The following ZNF34 variants were observed in gnomAD, a reference collection of about 807,000 sequenced individuals.
The protein encoded by ZNF34 is zinc finger protein 34 (KOX 32).
ZNF34 carries 8 observed loss-of-function variants against 14.4 expected under a neutral mutation model. That is an observed-to-expected ratio of 0.55 (90% confidence interval 0.33 to 1.00). The LOEUF is 1.00. ZNF34 is among the 50% of genes least tolerant of loss of function. ZNF34 has a pLI of 0.03. For synonymous variants in ZNF34, 235 were observed against 247.9 expected, an observed-to-expected ratio of 0.95 and a Z score of 0.49; for missense variants, 538 against 674.2, an observed-to-expected ratio of 0.80 and a Z score of 2.24.
At chr8:144,786,818 G>A (rs964342080) in intron 1 of ZNF34, among the ~76,000 whole-genome samples, 4 of 151,982 alleles carry the variant, frequency 2.6e-5, no homozygotes, top group African/African-American at 9.7e-5. Context: ...GAGCGCGGAC[G>A]CTAAAGGCAG....
intron 1 of ZNF34, chr8:144,785,341 G>A (rs1001692038): frequency 6.6e-6 from 1 of 152,210 alleles, no homozygotes; most frequent in Non-Finnish European, 1.5e-5. Context: ...GGCTGAGGCA[G>A]GAGGATCACT....
intron 1 of ZNF34, among the ~76,000 whole-genome samples, chr8:144,786,775 G>A (rs189504233): frequency 6.6e-6 from 1 of 152,032 alleles, no homozygotes; most frequent in Non-Finnish European, 1.5e-5. Context: ...GTGGGGCGGA[G>A]GGAAGGCACA....
intron 1 of ZNF34, among the ~76,000 whole-genome samples, chr8:144,786,673 A>G (rs1317453020): frequency 6.6e-6 from 1 of 151,834 alleles, no homozygotes; most frequent in African/African-American, 2.4e-5. Context: ...AAGAGAAGAG[A>G]AAAGAAAAGA....
chr8:144,772,334 T>C lies in ZNF34; in HGVS notation c.*932A>G, dbSNP rs1825230218. On this transcript the variant is annotated 3_prime_UTR_variant, in exon 6 of 6. Coordinates refer to ENST00000429371, the MANE Select transcript of ZNF34 (RefSeq NM_001286769.2). Reference sequence around the variant, plus strand: ...AGAAGGGGGAAATGAAGAGTTATTATTTAATAGGTACAGGGTTTCTGTTTG... The same window carrying C: ...AGAAGGGGGAAATGAAGAGTTATTACTTAATAGGTACAGGGTTTCTGTTTG... 6.6e-6 allele frequency among the ~76,000 whole-genome samples: 1 copy of C among 152,212 alleles called. No individual in the cohort carries two copies. The highest frequency in any genetic ancestry group is 1.5e-5 in the Non-Finnish European group (1 of 68,042).
chr8:144,777,368 C>T lies in ZNF34; in HGVS notation c.280+90G>A. The T allele has an allele frequency of 6.8e-7, 1 of 1,477,774 alleles. No individual in the cohort carries two copies. The allele number at this position is 1,477,774 out of a possible 1,614,324, so 91.5% of individuals were successfully genotyped here. A position where few individuals can be genotyped will look rare whatever the true frequency, so the allele number is the denominator to read the frequency against. On this transcript the variant is annotated intron_variant, in intron 5 of 5. Transcript: ENST00000429371. The surrounding 1 kb of genome is among the most constrained non-coding windows in gnomAD (Gnocchi z 4.8). Reference sequence around the variant, plus strand: ...TGTGCTAGCCCCGATGAATCTGGCCCACAAACTCCTGATTCATTAATCAGA... The same window carrying T: ...TGTGCTAGCCCCGATGAATCTGGCCTACAAACTCCTGATTCATTAATCAGA...
In ZNF34 at chr8:144,779,438, A is replaced by G. The variant is rs1825732368; in HGVS notation, c.-55+790T>C. On this transcript the variant is annotated intron_variant, in intron 2 of 5. Transcript: ENST00000429371. This position sits in a 1 kb window ranked among gnomAD's most constrained non-coding sequence, Gnocchi z 4.1. Reference sequence around the variant, plus strand: ...CTTCTTTGTTCGATCATCAATAAATAGTGTGGGCTCCCAGAGCTTGGTGCC... The same window carrying G: ...CTTCTTTGTTCGATCATCAATAAATGGTGTGGGCTCCCAGAGCTTGGTGCC... Among the ~76,000 whole-genome samples, 1 of 152,130 alleles carries G rather than the reference A, an allele frequency of 6.6e-6. No homozygotes were observed. Among genetic ancestry groups the G allele is most frequent in the Non-Finnish European group, 1.5e-5 (1 of 68,034 alleles).
chr8:144,772,785 C>T lies in ZNF34; in HGVS notation c.*481G>A, dbSNP rs1825248026. Among the ~76,000 whole-genome samples the T allele has an allele frequency of 6.6e-6, 1 of 152,144 alleles. No individual in the cohort carries two copies. Among genetic ancestry groups the T allele is most frequent in the South Asian group, 2.1e-4 (1 of 4,830 alleles). On this transcript the variant is annotated 3_prime_UTR_variant, in exon 6 of 6. Coordinates refer to ENST00000429371, the MANE Select transcript of ZNF34 (RefSeq NM_001286769.2). ...AAACTCCTGACCTCAAGTGATCCACCCACCTTGGCCTCTCAAAATGCTGGT... is the reference window on the plus strand; with the variant it reads ...AAACTCCTGACCTCAAGTGATCCACTCACCTTGGCCTCTCAAAATGCTGGT...
Position 144,778,164 on chromosome 8 carries a change from C to T in ZNF34, c.34G>A (p.Ala12Thr). ...AALFLSAPPQ[A>T]EVTFEDVAVY... Reference sequence around the variant, plus strand: ...GCCACGTCCTCGAAGGTCACCTCGGCCTGGAATGACAGGGACTACTGCAGC... The same window carrying T: ...GCCACGTCCTCGAAGGTCACCTCGGTCTGGAATGACAGGGACTACTGCAGC... The change falls in exon 4 of 6, where the codon GCC becomes ACC. Residue 12 changes from alanine to threonine, a missense_variant and splice_region_variant. By Grantham distance (58) the Ala-to-Thr change is moderately conservative. This residue lies in a region of ZNF34 where 431 missense variants were observed against 525.7 expected (regional missense o/e 0.82). Transcript: ENST00000429371. 6.2e-7 allele frequency: 1 copy of T among 1,611,020 alleles called. No individual in the cohort carries two copies. The highest frequency in any genetic ancestry group is 8.5e-7 in the Non-Finnish European group (1 of 1,178,342).
intron 1 of ZNF34, among the ~76,000 whole-genome samples, chr8:144,785,773 G>A (rs2979090): frequency 0.55 from 83,115 of 151,782 alleles, 23,431 homozygotes; most frequent in East Asian, 0.73. Context: ...AACCCCACTC[G>A]AAGTATGTAC....
At position 144,773,805 on chromosome 8, in the gene ZNF34, G is replaced by T. The variant is rs750323793; in HGVS notation, c.1081C>A (p.Arg361Ser). 1.9e-6 allele frequency: 3 copies of T among 1,614,010 alleles called. No individual in the cohort carries two copies. Among genetic ancestry groups the T allele is most frequent in the Non-Finnish European group, 2.5e-6 (3 of 1,179,984 alleles). ...FSDGSILIRHRRTHTGEKPFE... is the reference protein window; with the variant it reads ...FSDGSILIRHSRTHTGEKPFE... The stretch of plus-strand genomic sequence containing the variant: ...GGCTTCTCTCCGGTGTGAGTCCGAC[G>T]ATGTCGGATAAGGATTGAGCCATCA... Residue 361 changes from arginine (R) to serine (S), a missense_variant, in exon 6 of 6, where the codon CGT becomes AGT. Arg to Ser is a moderately radical substitution (Grantham distance 110, BLOSUM62 -1). Around this residue, in one of 3 missense-constraint regions of ZNF34, gnomAD observed 431 missense variants for 525.7 expected, o/e 0.82. Transcript: ENST00000429371. This position sits in a 1 kb window ranked among gnomAD's most constrained non-coding sequence, Gnocchi z 5.4.
chr8:144,777,844 G>A lies in ZNF34; in HGVS notation c.160+194C>T, dbSNP rs532064454. Among the ~76,000 whole-genome samples the A allele has an allele frequency of 2.1e-4, 32 of 152,252 alleles. No individual in the cohort carries two copies. The highest frequency in any genetic ancestry group is 6.8e-3 in the Middle Eastern group (2 of 294). The stretch of plus-strand genomic sequence containing the variant: ...GGGAGGGGTCTGCCTGGGACCTGGG[G>A]CGAGAGGGAAGGGAAGGGCTGACTC... On this transcript the variant is annotated intron_variant, in intron 4 of 5. Coordinates refer to ENST00000429371, the MANE Select transcript of ZNF34 (RefSeq NM_001286769.2). This position sits in a 1 kb window ranked among gnomAD's most constrained non-coding sequence, Gnocchi z 4.8.
At position 144,779,253 on chromosome 8, in the gene ZNF34, A is replaced by G. The variant is rs905435391; in HGVS notation, c.-54-728T>C. Among the ~76,000 whole-genome samples the G allele has an allele frequency of 5.3e-5, 8 of 152,220 alleles. No individual in the cohort carries two copies. The highest frequency in any genetic ancestry group is 2.0e-4 in the Admixed American group (3 of 15,270). ...TTGCTTCTTGCTCTCCCAGGCTCATAAACATGTTCTCCATTATCTCAGGTA... is the reference window on the plus strand; with the variant it reads ...TTGCTTCTTGCTCTCCCAGGCTCATGAACATGTTCTCCATTATCTCAGGTA... On this transcript the variant is annotated intron_variant, in intron 2 of 5. Coordinates refer to ENST00000429371, the MANE Select transcript of ZNF34 (RefSeq NM_001286769.2). This position sits in a 1 kb window ranked among gnomAD's most constrained non-coding sequence, Gnocchi z 4.1.
intron 1 of ZNF34, among the ~76,000 whole-genome samples, chr8:144,783,702 A>G (rs897934459): frequency 6.6e-6 from 1 of 152,266 alleles, no homozygotes; most frequent in African/African-American, 2.4e-5. Flanking sequence ...AGAAAGGTCT[A>G]TGGAGAAACA....
At chr8:144,780,735 G>A (rs564494177) in intron 1 of ZNF34, among the ~76,000 whole-genome samples, 21 of 152,170 alleles carry the variant, frequency 1.4e-4, no homozygotes, top group African/African-American at 4.3e-4. Flanking sequence ...GTTGTAGTGA[G>A]CCGAGATCGC....
Position 144,777,326 on chromosome 8 carries a change from G to A in ZNF34, c.280+132C>T. ...AGGGGTCACCTGGGCTTCAGCAAAG[G>A]CCACTGTCAGGCCTCCTGTGCTAGC... On this transcript the variant is annotated intron_variant, in intron 5 of 5. Coordinates refer to ENST00000429371, the MANE Select transcript of ZNF34 (RefSeq NM_001286769.2). The surrounding 1 kb of genome is among the most constrained non-coding windows in gnomAD (Gnocchi z 4.8). 7.9e-7 allele frequency: 1 copy of A among 1,262,736 alleles called. No homozygotes were observed. 78.2% of individuals were successfully genotyped at this position (1,262,736 alleles called of 1,614,324 possible). A position where few individuals can be genotyped will look rare whatever the true frequency, so the allele number is the denominator to read the frequency against.
At position 144,774,034 on chromosome 8, in the gene ZNF34, A is replaced by G. The variant is rs760509430; in HGVS notation, c.852T>C (p.Ile284=). 1 of 1,613,634 alleles carries G rather than the reference A, an allele frequency of 6.2e-7. No individual in the cohort carries two copies. Among genetic ancestry groups the G allele is most frequent in the South Asian group, 1.1e-5 (1 of 91,058 alleles). The change falls in exon 6 of 6, where the codon ATT becomes ATC. Residue 284 remains isoleucine, a synonymous_variant. Transcript: ENST00000429371. Reference sequence around the variant, plus strand: ...TCCCACACTCGTCACACCGGTAGGGAATCTCTCCTGAGTGCATCCTTCGGT... The same window carrying G: ...TCCCACACTCGTCACACCGGTAGGGGATCTCTCCTGAGTGCATCCTTCGGT... ...INHRRMHSGE[I]PYRCDECGKT... is the part of the protein sequence containing the mutation.
chr8:144,778,305 A>G, intron 3 of ZNF34, 134 bp downstream of exon 3: 1 of 1,396,428 alleles, frequency 7.2e-7, no homozygotes, highest in Non-Finnish European at 9.7e-7. Context: ...ATACATCCCA[A>G]GGGGTGGCTG....
intron 1 of ZNF34, 25 bp from the exon 2 acceptor site, chr8:144,780,305 C>T (rs939147249): frequency 6.5e-7 from 1 of 1,529,322 alleles, no homozygotes; most frequent in Non-Finnish European, 8.9e-7. Context: ...CACAGAAAGG[C>T]TAAGTATTAG....
chr8:144,784,454 A>G (rs2954651), intron 1 of ZNF34, among the ~76,000 whole-genome samples: 54,553 of 132,374 alleles, frequency 0.41, 12,054 homozygotes, highest in East Asian at 0.73. Context: ...GAAGACCTAA[A>G]CATTAAAAAA....
Sources: gnomAD v4.1 joint callset for allele counts (sites outside exome capture counted in the v4.1 genomes callset) on GRCh38, gnomAD v4.1.1 for gene constraint, gnomAD v4.1.1 regional missense constraint, Gnocchi (gnomAD v3.1) non-coding constraint, MANE v1.5 for transcripts, NCBI Gene and HGNC (gene_info 2026-07-23, HGNC 2026-07-21) for gene names.